The following TRABD2B variants were observed in gnomAD, a reference collection of about 807,000 sequenced individuals.
TRABD2B encodes the protein metalloprotease TIKI2.
Under a neutral mutation model 40.1 loss-of-function variants are expected in TRABD2B, and 14 were observed. The observed-to-expected ratio is 0.35, with a 90% CI of 0.23 to 0.55. The LOEUF (loss-of-function observed/expected upper bound fraction) is 0.55, where lower values mean the gene tolerates loss of function less well. Among genes scored for constraint, TRABD2B ranks in the 20% least tolerant of loss-of-function variants. The pLI is 0.90. For synonymous variants in TRABD2B, 263 were observed against 277.0 expected (o/e 0.95, Z 0.50); for missense variants, 541 against 648.6 (o/e 0.83, Z 1.80).
At chr1:47,851,634 C>T (rs1178086454) in intron 2 of TRABD2B, among the ~76,000 whole-genome samples, 2 of 152,168 alleles carry the variant, frequency 1.3e-5, no homozygotes, top group South Asian at 2.1e-4. Flanking sequence ...GTCATTTGCT[C>T]GGACAAGTGA....
At position 47,993,696 on chromosome 1, in the gene TRABD2B, A is replaced by G. The variant is rs1345802685; in HGVS notation, c.666+338T>C. Among the ~76,000 whole-genome samples, 3 of 152,210 alleles carry G rather than the reference A, an allele frequency of 2.0e-5. No homozygotes were observed. In the East Asian group the frequency reaches 5.8e-4, roughly 29 times the overall value. On this transcript the variant is annotated intron_variant, in intron 2 of 6. Transcript: ENST00000606738. Reference sequence around the variant, plus strand: ...TCAGGAAGGCCTGACACAAACCGGAAGCCCCCTCTTTTTGTTTTTGATCAC... The same window carrying G: ...TCAGGAAGGCCTGACACAAACCGGAGGCCCCCTCTTTTTGTTTTTGATCAC...
At chr1:47,850,741 C>T (rs1538780) in intron 2 of TRABD2B, among the ~76,000 whole-genome samples, 5,520 of 152,286 alleles carry the variant, frequency 0.036, 330 homozygotes, top group African/African-American at 0.13. Context: ...CAGGTGGGCC[C>T]CTGCCCACTC....
At chr1:47,919,380 T>C (rs1020088671) in intron 2 of TRABD2B, among the ~76,000 whole-genome samples, 4 of 152,152 alleles carry the variant, frequency 2.6e-5, no homozygotes, top group Non-Finnish European at 5.9e-5. Context: ...TCCAGAAATC[T>C]AAGGGGAGCC....
At chr1:47,890,362 T>C (rs1025684855) in intron 2 of TRABD2B, among the ~76,000 whole-genome samples, 14 of 152,010 alleles carry the variant, frequency 9.2e-5, no homozygotes, top group African/African-American at 3.4e-4. Flanking sequence ...GTCATGGAGG[T>C]GGCAGGTACA....
At chr1:47,793,370 T>G (rs1280329315) in intron 4 of TRABD2B, among the ~76,000 whole-genome samples, 1 of 152,242 alleles carries the variant, frequency 6.6e-6, no homozygotes, top group East Asian at 1.9e-4. Context: ...CCCTCCCCTG[T>G]GTCTCTACTA....
At chr1:47,851,507 T>C (rs1321478536) in intron 2 of TRABD2B, among the ~76,000 whole-genome samples, 10 of 151,800 alleles carry the variant, frequency 6.6e-5, no homozygotes, top group Non-Finnish European at 5.9e-5. Flanking sequence ...GGGAAAGAGA[T>C]TGATTTTTGA....
At chr1:47,826,507 T>C (rs541744598) in intron 2 of TRABD2B, among the ~76,000 whole-genome samples, 1 of 152,326 alleles carries the variant, frequency 6.6e-6, no homozygotes, top group African/African-American at 2.4e-5. Context: ...GCCATGATGT[T>C]AAACATACAA....
chr1:47,995,276 G>C (rs931743690), intron 1 of TRABD2B, among the ~76,000 whole-genome samples: 1 of 152,096 alleles, frequency 6.6e-6, no homozygotes, highest in African/African-American at 2.4e-5. Context: ...TACTTTGCTC[G>C]ACCAGCTGAG....
At chr1:47,846,846 T>C (rs1645476620) in intron 2 of TRABD2B, among the ~76,000 whole-genome samples, 1 of 77,160 alleles carries the variant, frequency 1.3e-5, no homozygotes, top group African/African-American at 4.3e-5. Flanking sequence ...CAGGTTAAGT[T>C]AAAACATGCA....
chr1:47,941,514 T>C (rs1488879437), intron 2 of TRABD2B, among the ~76,000 whole-genome samples: 1 of 152,218 alleles, frequency 6.6e-6, no homozygotes, highest in Non-Finnish European at 1.5e-5. Flanking sequence ...TGAACTACAT[T>C]GAGAACTGGG....
chr1:47,867,210 T>C (rs1644071508), intron 2 of TRABD2B, among the ~76,000 whole-genome samples: 1 of 152,222 alleles, frequency 6.6e-6, no homozygotes, highest in Non-Finnish European at 1.5e-5. Flanking sequence ...TTGGTTCTTT[T>C]CTAGCTTGTA....
intron 2 of TRABD2B, among the ~76,000 whole-genome samples, chr1:47,947,715 GTCA>G (rs1315938492): frequency 6.7e-6 from 1 of 149,692 alleles, no homozygotes; most frequent in Non-Finnish European, 1.5e-5. Context: ...ATTTTCCAGT[GTCA>G]TGACGCTGAT....
At chr1:47,837,733 G>T (rs1325096088) in intron 2 of TRABD2B, among the ~76,000 whole-genome samples, 1 of 152,154 alleles carries the variant, frequency 6.6e-6, no homozygotes, top group African/African-American at 2.4e-5. Flanking sequence ...GGCAATTATT[G>T]CACTAGGTTT....
In TRABD2B at chr1:47,996,587, G is replaced by T; in HGVS notation, c.102+101C>A. The T allele has an allele frequency of 8.6e-7, 1 of 1,161,504 alleles. No homozygotes were observed. The highest frequency in any genetic ancestry group is 1.1e-6 in the Non-Finnish European group (1 of 937,400). The allele number at this position is 1,161,504 out of a possible 1,614,324, so 71.9% of individuals were successfully genotyped here. On this transcript the variant is annotated intron_variant, in intron 1 of 6. Transcript: ENST00000606738. This position sits in a 1 kb window ranked among gnomAD's most constrained non-coding sequence, Gnocchi z 4.6. ...TGCGCCCGGGGGGTGGAGGTGGAGCGGGCGGGCTAAGGTGGGTGCGGAAGC... is the reference window on the plus strand; with the variant it reads ...TGCGCCCGGGGGGTGGAGGTGGAGCTGGCGGGCTAAGGTGGGTGCGGAAGC...
intron 2 of TRABD2B, among the ~76,000 whole-genome samples, chr1:47,900,961 T>C (rs1032733408): frequency 2.6e-5 from 4 of 152,198 alleles, no homozygotes; most frequent in African/African-American, 7.2e-5. Flanking sequence ...GAAGGGGTTC[T>C]ATTCAACCTT....
chr1:47,809,076 CCT>C (rs1303120498), intron 2 of TRABD2B, among the ~76,000 whole-genome samples: 2 of 152,084 alleles, frequency 1.3e-5, no homozygotes, highest in African/African-American at 4.8e-5. Flanking sequence ...CTCTGCACGT[CCT>C]CTGTCTGGAA....
chr1:47,858,391 G>T (rs1643920041), intron 2 of TRABD2B, among the ~76,000 whole-genome samples: 2 of 152,118 alleles, frequency 1.3e-5, no homozygotes, highest in South Asian at 4.2e-4. Flanking sequence ...TTGAGTAGCT[G>T]GGACTACAGG....
intron 2 of TRABD2B, among the ~76,000 whole-genome samples, chr1:47,950,300 T>A (rs932739214): frequency 1.2e-4 from 18 of 150,576 alleles, no homozygotes; most frequent in South Asian, 2.1e-4. Flanking sequence ...AAAAAAAAAA[T>A]AATAATAAAA....
intron 2 of TRABD2B, among the ~76,000 whole-genome samples, chr1:47,814,172 A>C (rs552081849): frequency 6.6e-6 from 1 of 152,334 alleles, no homozygotes; most frequent in Non-Finnish European, 1.5e-5. Context: ...GCTGCGGTGA[A>C]GCTGGCATGT....
Sources: allele counts gnomAD v4.1 joint callset (sites outside exome capture counted in the v4.1 genomes callset), GRCh38; gene constraint gnomAD v4.1.1; non-coding constraint Gnocchi (gnomAD v3.1); transcripts MANE v1.5; gene names NCBI Gene and HGNC (gene_info 2026-07-23, HGNC 2026-07-21).